The following MGAT4C variants were observed in gnomAD, a reference collection of about 807,000 sequenced individuals.
MGAT4C encodes MGAT4 family member C.
In MGAT4C, 19 loss-of-function variants were observed where a neutral mutation model predicts 40.1. That is an observed-to-expected ratio of 0.47 (90% CI 0.33 to 0.70). The LOEUF (loss-of-function observed/expected upper bound fraction) is 0.70, where lower values mean the gene tolerates loss of function less well. MGAT4C is among the 30% of genes least tolerant of loss of function. The pLI is 0.02. For synonymous variants in MGAT4C, 181 were observed against 187.1 expected, an observed-to-expected ratio of 0.97 and a Z score of 0.27; for missense variants, 491 against 563.2, an observed-to-expected ratio of 0.87 and a Z score of 1.30.
intron 1 of MGAT4C, among the ~76,000 whole-genome samples, chr12:86,785,929 A>C (rs1951924493): frequency 2.0e-5 from 3 of 152,040 alleles, no homozygotes; most frequent in Non-Finnish European, 4.4e-5. Flanking sequence ...CCAGTATGCA[A>C]CTTAAATTTC....
chr12:86,755,793 T>C (rs1384196701), intron 1 of MGAT4C, among the ~76,000 whole-genome samples: 1 of 151,712 alleles, frequency 6.6e-6, no homozygotes, highest in African/African-American at 2.4e-5. Context: ...ACTAAGTGCA[T>C]GTGCCACCAT....
At chr12:86,767,096 G>A (rs1439590676) in intron 1 of MGAT4C, among the ~76,000 whole-genome samples, 1 of 151,862 alleles carries the variant, frequency 6.6e-6, no homozygotes, top group Non-Finnish European at 1.5e-5. Context: ...TTTTTGAAAA[G>A]ATCAACAAAA....
chr12:86,271,126 C>A (rs925991626), intron 4 of MGAT4C, among the ~76,000 whole-genome samples: 10 of 151,924 alleles, frequency 6.6e-5, no homozygotes, highest in Admixed American at 2.0e-4. Context: ...TTATGAAGAC[C>A]TCAAAAGCAC....
chr12:86,524,041 T>C (rs1289477714), intron 2 of MGAT4C, among the ~76,000 whole-genome samples: 1 of 152,176 alleles, frequency 6.6e-6, no homozygotes, highest in Non-Finnish European at 1.5e-5. Context: ...TTTATCCAGC[T>C]TCCCATTCTG....
At chr12:86,767,866 T>C (rs1044866373) in intron 1 of MGAT4C, among the ~76,000 whole-genome samples, 5 of 152,170 alleles carry the variant, frequency 3.3e-5, no homozygotes, top group Non-Finnish European at 7.3e-5. Context: ...GGGACGTATC[T>C]CAAAATAATA....
intron 1 of MGAT4C, among the ~76,000 whole-genome samples, chr12:86,219,088 G>A (rs1391347142): frequency 6.6e-6 from 1 of 152,076 alleles, no homozygotes; most frequent in African/African-American, 2.4e-5. Flanking sequence ...GCTGAGGCAG[G>A]AGAATCACTT....
intron 1 of MGAT4C, among the ~76,000 whole-genome samples, chr12:86,190,965 G>A (rs767983219): frequency 6.6e-6 from 1 of 151,984 alleles, no homozygotes; most frequent in Non-Finnish European, 1.5e-5. Context: ...CAGACTGCCA[G>A]TCTGTGCTAA....
intron 4 of MGAT4C, among the ~76,000 whole-genome samples, chr12:86,299,319 G>GT (rs1262426085): frequency 6.6e-6 from 1 of 152,020 alleles, no homozygotes; most frequent in East Asian, 1.9e-4. Context: ...GGGTTTTACC[G>GT]TGTTAGCCAG....
rs1481715801 is a variant in MGAT4C, at chr12:85,977,706, A to G, written c.*1583T>C. On this transcript the variant is annotated 3_prime_UTR_variant, in exon 5 of 5. Coordinates refer to ENST00000611864, the MANE Select transcript of MGAT4C (RefSeq NM_001351288.2). Reference sequence around the variant, plus strand: ...CACCACAGCATACCAGTAAATCTTAAGGATTGTGTTTCAGTATGAAAAGGA... The same window carrying G: ...CACCACAGCATACCAGTAAATCTTAGGGATTGTGTTTCAGTATGAAAAGGA... 1 of 150,836 alleles carries G rather than the reference A, an allele frequency of 6.6e-6. No individual in the cohort carries two copies. 9.3% of individuals were successfully genotyped at this position (150,836 alleles called of 1,614,324 possible).
intron 2 of MGAT4C, among the ~76,000 whole-genome samples, chr12:86,487,893 C>G (rs772262626): frequency 6.6e-6 from 1 of 152,080 alleles, no homozygotes; most frequent in South Asian, 2.1e-4. Flanking sequence ...TTCTTAACAT[C>G]ATAAGTTTAT....
intron 4 of MGAT4C, among the ~76,000 whole-genome samples, chr12:86,306,239 C>A (rs1269398886): frequency 6.7e-6 from 1 of 150,360 alleles, no homozygotes; most frequent in Non-Finnish European, 1.5e-5. Flanking sequence ...AAACATAGGT[C>A]TACACACACT....
intron 2 of MGAT4C, among the ~76,000 whole-genome samples, chr12:86,508,227 G>A (rs1043203202): frequency 1.3e-5 from 2 of 151,554 alleles, no homozygotes; most frequent in African/African-American, 4.9e-5. Context: ...CCATACGACA[G>A]TCCCCAGAGC....
intron 1 of MGAT4C, among the ~76,000 whole-genome samples, chr12:86,135,372 A>C (rs140211635): frequency 1.7e-4 from 26 of 152,282 alleles, no homozygotes; most frequent in African/African-American, 6.3e-4. Context: ...ACCTCCCAAC[A>C]TTTTTGTTTT....
rs182006697 is a variant in MGAT4C at position 86,262,425 on chromosome 12, A to T, written c.-57+71640T>A. 3.9e-5 allele frequency among the ~76,000 whole-genome samples: 6 copies of T among 152,156 alleles called. 1 individual carries two copies. In the East Asian group the frequency reaches 1.2e-3, roughly 29 times the overall value. Reference sequence around the variant, plus strand: ...TCTTTTTATCTAGGTGTCTCTACTCATTCCAGATCAGCTATCCCTTTTCAA... The same window carrying T: ...TCTTTTTATCTAGGTGTCTCTACTCTTTCCAGATCAGCTATCCCTTTTCAA... On this transcript the variant is annotated intron_variant, in intron 4 of 7. Coordinates refer to the MGAT4C transcript ENST00000548651.
chr12:86,014,053 C>T (rs2136832040), intron 2 of MGAT4C, among the ~76,000 whole-genome samples: 1 of 152,142 alleles, frequency 6.6e-6, no homozygotes, highest in African/African-American at 2.4e-5. Context: ...CTTCTCCTTC[C>T]AGATTCTTAT....
At chr12:86,428,192 T>C (rs1420826957) in intron 3 of MGAT4C, among the ~76,000 whole-genome samples, 2 of 152,214 alleles carry the variant, frequency 1.3e-5, no homozygotes, top group African/African-American at 2.4e-5. Flanking sequence ...CATTTAATTA[T>C]ATAAAATAGG....
intron 1 of MGAT4C, among the ~76,000 whole-genome samples, chr12:86,154,872 C>T (rs1391296535): frequency 1.3e-5 from 2 of 151,914 alleles, no homozygotes; most frequent in Non-Finnish European, 2.9e-5. Context: ...GAGACTGTGC[C>T]GAATCAGACA....
chr12:86,731,132 A>C (rs1200895280), intron 1 of MGAT4C, among the ~76,000 whole-genome samples: 1 of 152,108 alleles, frequency 6.6e-6, no homozygotes, highest in Non-Finnish European at 1.5e-5. Flanking sequence ...TTCTTAAAGA[A>C]ATTTTAAGCC....
At chr12:86,588,782 C>A (rs996384946) in intron 2 of MGAT4C, among the ~76,000 whole-genome samples, 3 of 151,972 alleles carry the variant, frequency 2.0e-5, no homozygotes, top group Non-Finnish European at 4.4e-5. Context: ...GGAAGCTGAA[C>A]AACCTGCTCC....
Sources: allele counts gnomAD v4.1 joint callset (sites outside exome capture counted in the v4.1 genomes callset), GRCh38; gene constraint gnomAD v4.1.1; transcripts MANE v1.5; gene names NCBI Gene and HGNC (gene_info 2026-07-23, HGNC 2026-07-21).